The following CLIP1 variants were observed in gnomAD, a reference collection of about 807,000 sequenced individuals.
CLIP1 encodes the protein CAP-Gly domain containing linker protein 1, also known as CAP-Gly domain-containing linker protein 1.
Under a neutral mutation model 161.6 loss-of-function variants are expected in CLIP1, and 66 were observed. That is an observed-to-expected ratio of 0.41 (90% CI 0.33 to 0.50). CLIP1 has a LOEUF of 0.50. CLIP1 is among the 20% of genes least tolerant of loss of function. CLIP1 has a pLI of 0.27. For missense variants in CLIP1, 1,376 were observed against 1,702.0 expected (o/e 0.81, Z 3.37); for synonymous variants, 598 against 626.2 (o/e 0.96, Z 0.67).
At chr12:122,381,858 A>G (rs1362738222) in intron 1 of CLIP1, among the ~76,000 whole-genome samples, 1 of 152,230 alleles carries the variant, frequency 6.6e-6, no homozygotes, top group African/African-American at 2.4e-5. Context: ...CTTTGCAGAT[A>G]TAATTAAGAA....
In CLIP1 at chr12:122,272,924, TCA is replaced by T. The variant is rs140536558; in HGVS notation, c.4266_4267del (p.Cys1422Ter). On this transcript the variant is annotated stop_gained and frameshift_variant, in exon 26 of 26. Coordinates refer to ENST00000620786, the MANE Select transcript of CLIP1 (RefSeq NM_001247997.2). LOFTEE classifies it high-confidence loss of function. Reference sequence around the variant, plus strand: ...GTTGGTGGCCCAGTGTCCAAACATCTCACAGATTTCACAGTATGGGCGTTCCT... The same window carrying T: ...GTTGGTGGCCCAGTGTCCAAACATCTCAGATTTCACAGTATGGGCGTTCCT... 6.2e-7 allele frequency: 1 copy of T among 1,614,214 alleles called. No homozygotes were observed. Among genetic ancestry groups the T allele is most frequent in the East Asian group, 2.2e-5 (1 of 44,884 alleles).
intron 3 of CLIP1, among the ~76,000 whole-genome samples, chr12:122,371,702 T>C (rs4758661): frequency 0.14 from 21,916 of 152,018 alleles, 2,011 homozygotes; most frequent in East Asian, 0.45. Flanking sequence ...GGATGGACAG[T>C]GAGACCAGAG....
rs1951055165 is a variant in CLIP1 at position 122,311,349 on chromosome 12, G to A, written c.3474-1467C>T. On this transcript the variant is annotated intron_variant, in intron 19 of 25. Transcript: ENST00000620786. This position sits in a 1 kb window ranked among gnomAD's most constrained non-coding sequence, Gnocchi z 4.3. Reference sequence around the variant, plus strand: ...AGCCCACAGGAAGGAAAATAAAAACGACACATCAAGGAAGTAATCTAAAAG... The same window carrying A: ...AGCCCACAGGAAGGAAAATAAAAACAACACATCAAGGAAGTAATCTAAAAG... 6.6e-6 allele frequency among the ~76,000 whole-genome samples: 1 copy of A among 151,918 alleles called. No homozygotes were observed. The highest frequency in any genetic ancestry group is 2.1e-4 in the South Asian group (1 of 4,816).
chr12:122,345,176 C>CTT (rs559964564), intron 10 of CLIP1, among the ~76,000 whole-genome samples: 2,299 of 141,554 alleles, frequency 0.016, 63 homozygotes, highest in African/African-American at 0.05. Context: ...CAAATTGCCA[C>CTT]TTTTTTTTTT....
At chr12:122,334,734 C>A (rs1209036287) in intron 12 of CLIP1, 29 bp from the exon 13 acceptor site, 2 of 1,392,628 alleles carry the variant, frequency 1.4e-6, no homozygotes, top group Non-Finnish European at 2.0e-6. Flanking sequence ...AGATTCTGAA[C>A]AGAAAGATTT....
At chr12:122,280,536 A>T (rs1592963158) in intron 21 of CLIP1, 5 of 152,318 alleles carry the variant, frequency 3.3e-5, no homozygotes, top group Admixed American at 3.3e-4. Context: ...GACATTAGTG[A>T]GCAAACTGGT....
At chr12:122,342,512 G>C (rs1189180124) in intron 10 of CLIP1, 2 of 152,154 alleles carry the variant, frequency 1.3e-5, no homozygotes, top group Non-Finnish European at 2.9e-5. Flanking sequence ...ATCAGATTTT[G>C]AAGACTTAGA....
Position 122,355,399 on chromosome 12 carries a change from C to T in CLIP1, c.1006-87G>A, listed in dbSNP as rs762067989. ...GATGCATGCATGGCGGGCATCTGCT[C>T]GGCAAAGCAAGGGCGCTGCTCCAGC... On this transcript the variant is annotated intron_variant, in intron 5 of 25. Coordinates refer to ENST00000620786, the MANE Select transcript of CLIP1 (RefSeq NM_001247997.2). The surrounding 1 kb of genome is among the most constrained non-coding windows in gnomAD (Gnocchi z 4.1). 1.7e-5 allele frequency: 21 copies of T among 1,266,568 alleles called. No individual in the cohort carries two copies. The highest frequency in any genetic ancestry group is 2.7e-5 in the South Asian group (2 of 74,240). 78.5% of individuals were successfully genotyped at this position (1,266,568 alleles called of 1,614,324 possible).
intron 20 of CLIP1, among the ~76,000 whole-genome samples, chr12:122,304,186 C>G (rs1454347364): frequency 6.6e-6 from 1 of 152,144 alleles, no homozygotes; most frequent in African/African-American, 2.4e-5. Context: ...TTTACTTTTC[C>G]CAGGCTGTCT....
intron 3 of CLIP1, among the ~76,000 whole-genome samples, chr12:122,365,806 G>A (rs1032027989): frequency 5.9e-5 from 9 of 151,956 alleles, no homozygotes; most frequent in African/African-American, 1.9e-4. Flanking sequence ...CCAGGAGTTC[G>A]AGACCAGGCT....
rs34956914 is a variant in CLIP1, at chr12:122,333,010, G to A, written c.2844C>T (p.Asn948=). 194 of 1,612,992 alleles carry A rather than the reference G, an allele frequency of 1.2e-4. No individual in the cohort carries two copies. Among genetic ancestry groups the A allele is most frequent in the Non-Finnish European group, 1.5e-4 (181 of 1,179,704 alleles). ...ACCTTTCTTTCAGACGTAATTCATC[G>A]TTCATTTTTGTCAGCTGAGAAGAGT... ...GDNSSQLTKM[N]DELRLKERDV... Residue 948 remains asparagine (N), a synonymous_variant, in exon 15 of 26, where the codon AAC becomes AAT. Coordinates refer to ENST00000620786, the MANE Select transcript of CLIP1 (RefSeq NM_001247997.2).
At chr12:122,401,668 A>G (rs1956147490) in intron 1 of CLIP1, among the ~76,000 whole-genome samples, 2 of 151,498 alleles carry the variant, frequency 1.3e-5, no homozygotes, top group South Asian at 4.2e-4. Flanking sequence ...CTATGGGCAA[A>G]CTGTTCAATT....
intron 1 of CLIP1, among the ~76,000 whole-genome samples, chr12:122,382,405 G>A (rs1257999886): frequency 2.0e-5 from 3 of 151,616 alleles, no homozygotes; most frequent in Admixed American, 1.3e-4. Flanking sequence ...CGTGCCTCCT[G>A]TAGTCCCAGT....
At chr12:122,312,839 A>C (rs1029359287) in intron 19 of CLIP1, among the ~76,000 whole-genome samples, 1 of 152,142 alleles carries the variant, frequency 6.6e-6, no homozygotes, top group South Asian at 2.1e-4. Context: ...AGGTGAAGAG[A>C]AACACCAAAA....
chr12:122,276,707 A>C, intron 24 of CLIP1: 1 of 274,870 alleles, frequency 3.6e-6, no homozygotes, highest in Non-Finnish European at 7.2e-6. Flanking sequence ...TGACTAATAC[A>C]TACAAAGTAT....
chr12:122,412,312 C>T (rs1956568229), intron 1 of CLIP1, among the ~76,000 whole-genome samples: 1 of 149,760 alleles, frequency 6.7e-6, no homozygotes, highest in Admixed American at 6.6e-5. Context: ...TCCCAAAGTG[C>T]TGGGATTACA....
chr12:122,390,271 T>TATATACAC (rs1566214391), intron 1 of CLIP1, among the ~76,000 whole-genome samples: 11 of 42,092 alleles, frequency 2.6e-4, no homozygotes, highest in Non-Finnish European at 2.9e-4. Context: ...CACACACATA[T>TATATACAC]ATATATACAT....
intron 1 of CLIP1, among the ~76,000 whole-genome samples, chr12:122,397,234 T>C (rs1177367279): frequency 3.3e-5 from 5 of 151,928 alleles, no homozygotes; most frequent in Admixed American, 2.0e-4. Flanking sequence ...CCCCATGCTC[T>C]TTGCCCTTCT....
chr12:122,358,201 G>A (rs1048251269), intron 5 of CLIP1, among the ~76,000 whole-genome samples: 4 of 150,992 alleles, frequency 2.6e-5, no homozygotes, highest in Non-Finnish European at 4.4e-5. Flanking sequence ...GATTAAGGGC[G>A]GTGCAAGATG....
Sources: gnomAD v4.1 joint callset for allele counts (sites outside exome capture counted in the v4.1 genomes callset) on GRCh38, gnomAD v4.1.1 for gene constraint, Gnocchi (gnomAD v3.1) non-coding constraint, MANE v1.5 for transcripts, NCBI Gene and HGNC (gene_info 2026-07-23, HGNC 2026-07-21) for gene names.